The following RNF112 variants were observed in gnomAD, a reference collection of about 807,000 sequenced individuals.
RNF112 encodes the protein brain finger protein.
RNF112 carries 34 observed loss-of-function variants against 64.7 expected under a neutral mutation model. That is an observed-to-expected ratio of 0.53 (90% CI 0.40 to 0.70). RNF112 has a LOEUF of 0.70. Among genes scored for constraint, RNF112 ranks in the 30% least tolerant of loss-of-function variants. The probability of loss-of-function intolerance (pLI) is 0.00; values close to 1 mark genes in which losing one functional copy is unlikely to be tolerated. For synonymous variants in RNF112, 345 were observed against 344.5 expected, an observed-to-expected ratio of 1.00 and a Z score of -0.02; for missense variants, 734 against 850.0, an observed-to-expected ratio of 0.86 and a Z score of 1.70.
In RNF112 at chr17:19,413,157, C is replaced by T. The variant is rs1030531057; in HGVS notation, c.588+13C>T. The T allele has an allele frequency of 7.7e-6, 12 of 1,560,220 alleles. No homozygotes were observed. Among genetic ancestry groups the T allele is most frequent in the African/African-American group, 5.5e-5 (4 of 72,914 alleles). ...CTTGCCGGGCCTGGTGAGGGCGGGG[C>T]GGGGCAGGAGGGAGGCGGGGAGCAA... On this transcript the variant is annotated intron_variant, in intron 4 of 13. Transcript: ENST00000461366. The surrounding 1 kb of genome is among the most constrained non-coding windows in gnomAD (Gnocchi z 5.9).
Position 19,415,433 on chromosome 17 carries a change from T to C in RNF112, c.1351-85T>C. ...GAGGCCTCCGGGGTGGGGGTCTGTG[T>C]GCCCTGGGAGTGGAGATGAGGAAAC... On this transcript the variant is annotated intron_variant, in intron 12 of 13. Coordinates refer to ENST00000461366, the MANE Select transcript of RNF112 (RefSeq NM_007148.5). This position sits in a 1 kb window ranked among gnomAD's most constrained non-coding sequence, Gnocchi z 7.8. 1.9e-6 allele frequency: 3 copies of C among 1,547,402 alleles called. No homozygotes were observed. The highest frequency in any genetic ancestry group is 2.6e-6 in the Non-Finnish European group (3 of 1,144,776).
chr17:19,414,206 C>A (rs1169327578), intron 7 of RNF112, 61 bp downstream of exon 7: 18 of 1,484,066 alleles, frequency 1.2e-5, no homozygotes, highest in Non-Finnish European at 1.7e-5. Context: ...AGGGCTGGAC[C>A]CAAAGGAACT....
Position 19,412,546 on chromosome 17 carries a change from C to A in RNF112, c.144C>A (p.Pro48=). 5 of 1,613,532 alleles carry A rather than the reference C, an allele frequency of 3.1e-6. No homozygotes were observed. Among genetic ancestry groups the A allele is most frequent in the Non-Finnish European group, 4.2e-6 (5 of 1,179,782 alleles). ...TGGAGCTAGGCCTGGGGCCCCAGCC[C>A]ATGGCGCCCCGGGAGCTCCCTACCT... ...PKLELGLGPQ[P]MAPRELPTCS... The change falls in exon 3 of 14, where the codon CCC becomes CCA. Residue 48 remains proline (P), a synonymous_variant. Coordinates refer to ENST00000461366, the MANE Select transcript of RNF112 (RefSeq NM_007148.5). The surrounding 1 kb of genome is among the most constrained non-coding windows in gnomAD (Gnocchi z 5.1).
chr17:19,414,840 C>G lies in RNF112; in HGVS notation c.1079C>G (p.Pro360Arg). ...AAGCGAGCCCGTTGCTGCCTCTTGC[C>G]TGCCCCAGGGAGGCGGCGGATGAAC... Reference protein sequence around the residue: ...QGKRARCCLLPAPGRRRMNQG... With the variant: ...QGKRARCCLLRAPGRRRMNQG... The change falls in exon 10 of 14, where the codon CCT becomes CGT. Residue 360 changes from proline to arginine, a missense_variant. Pro to Arg is a moderately radical substitution (Grantham distance 103). Coordinates refer to ENST00000461366, the MANE Select transcript of RNF112 (RefSeq NM_007148.5). 6.2e-7 allele frequency: 1 copy of G among 1,613,822 alleles called. No homozygotes were observed. The highest frequency in any genetic ancestry group is 8.5e-7 in the Non-Finnish European group (1 of 1,179,864).
In RNF112 at chr17:19,411,329, G is replaced by T. The variant is rs961787886; in HGVS notation, c.-80G>T. On this transcript the variant is annotated 5_prime_UTR_variant, in exon 1 of 14. Coordinates refer to ENST00000461366, the MANE Select transcript of RNF112 (RefSeq NM_007148.5). The stretch of plus-strand genomic sequence containing the variant: ...CCGCAGCCTGCTAGCCTTTCCGGGA[G>T]AAAAGGCATCCTTACCTCTGGTTGA... 3.5e-6 allele frequency: 5 copies of T among 1,420,518 alleles called. No homozygotes were observed. The highest frequency in any genetic ancestry group is 3.8e-5 in the Admixed American group (2 of 52,642). 88.0% of individuals were successfully genotyped at this position (1,420,518 alleles called of 1,614,324 possible).
In RNF112 at chr17:19,412,918, C is replaced by G. The variant is rs1190489764; in HGVS notation, c.382-20C>G. 1.3e-6 allele frequency: 2 copies of G among 1,567,076 alleles called. No individual in the cohort carries two copies. The highest frequency in any genetic ancestry group is 2.7e-5 in the African/African-American group (2 of 73,502). ...AGCTGGTCCTGGATGCTCAGGGGCC[C>G]CTCTCTTCTCCTGGCCCAGGAGACG... is the stretch of plus-strand genomic sequence containing the variant. On this transcript the variant is annotated intron_variant, in intron 3 of 13. Coordinates refer to ENST00000461366, the MANE Select transcript of RNF112 (RefSeq NM_007148.5). The surrounding 1 kb of genome is among the most constrained non-coding windows in gnomAD (Gnocchi z 5.1).
chr17:19,412,285 G>A lies in RNF112; in HGVS notation c.96-213G>A, dbSNP rs1326998096. Among the ~76,000 whole-genome samples, 1 of 152,036 alleles carries A rather than the reference G, an allele frequency of 6.6e-6. No homozygotes were observed. Among genetic ancestry groups the A allele is most frequent in the Non-Finnish European group, 1.5e-5 (1 of 67,994 alleles). ...CATTGCTCTGCTGCCCCCACTCTGAGGCCCCCAGGTCCTAGGACACATGTC... is the reference window on the plus strand; with the variant it reads ...CATTGCTCTGCTGCCCCCACTCTGAAGCCCCCAGGTCCTAGGACACATGTC... On this transcript the variant is annotated intron_variant, in intron 2 of 13. Coordinates refer to ENST00000461366, the MANE Select transcript of RNF112 (RefSeq NM_007148.5). This position sits in a 1 kb window ranked among gnomAD's most constrained non-coding sequence, Gnocchi z 5.1.
At position 19,411,261 on chromosome 17, in the gene RNF112, C is replaced by A; in HGVS notation, c.-148C>A. On this transcript the variant is annotated 5_prime_UTR_variant, in exon 1 of 14. Transcript: ENST00000461366. ...TTCTTTTCCAGCTCTGACCGGGAGT[C>A]AGCTCCTCGGGGATACCATCCCCCG... is the stretch of plus-strand genomic sequence containing the variant. 1 of 671,936 alleles carries A rather than the reference C, an allele frequency of 1.5e-6. No individual in the cohort carries two copies. Among genetic ancestry groups the A allele is most frequent in the South Asian group, 1.9e-5 (1 of 53,678 alleles). 41.6% of individuals were successfully genotyped at this position (671,936 alleles called of 1,614,324 possible).
rs1475177381 is a variant in RNF112 at position 19,413,139 on chromosome 17, G to A, written c.583G>A (p.Gly195Ser). 3.7e-6 allele frequency: 6 copies of A among 1,612,424 alleles called. No homozygotes were observed. Among genetic ancestry groups the A allele is most frequent in the Non-Finnish European group, 5.1e-6 (6 of 1,179,550 alleles). ...LLNHLLQGLP[G>S]LESGEGGRPR... ...CAACCATTTGCTTCAGGGCTTGCCG[G>A]GCCTGGTGAGGGCGGGGCGGGGCAG... is the stretch of plus-strand genomic sequence containing the variant. The change falls in exon 4 of 14, where the codon GGC becomes AGC. Residue 195 changes from glycine to serine, a missense_variant. Transcript: ENST00000461366. This position sits in a 1 kb window ranked among gnomAD's most constrained non-coding sequence, Gnocchi z 5.9.
At position 19,413,461 on chromosome 17, in the gene RNF112, G is replaced by A. The variant is rs913841385; in HGVS notation, c.720+50G>A. The A allele has an allele frequency of 6.3e-7, 1 of 1,584,018 alleles. No homozygotes were observed. The highest frequency in any genetic ancestry group is 1.7e-5 in the Admixed American group (1 of 59,158). ...GGTCAGGGATGGGAAGGGGAATCAA[G>A]AAGGGCGTCTCTGGGGTGAGGATAG... is the stretch of plus-strand genomic sequence containing the variant. On this transcript the variant is annotated intron_variant, in intron 5 of 13. Transcript: ENST00000461366. The surrounding 1 kb of genome is among the most constrained non-coding windows in gnomAD (Gnocchi z 5.9).
chr17:19,412,455 C>T lies in RNF112; in HGVS notation c.96-43C>T, dbSNP rs1598133799. 4 of 1,593,290 alleles carry T rather than the reference C, an allele frequency of 2.5e-6. No individual in the cohort carries two copies. Among genetic ancestry groups the T allele is most frequent in the East Asian group, 4.5e-5 (2 of 44,636 alleles). ...CAACCCTGGCCGGTACCCCCTGCCC[C>T]CAATAGACATCCTGCTTTTCAATGG... On this transcript the variant is annotated intron_variant, in intron 2 of 13. Coordinates refer to ENST00000461366, the MANE Select transcript of RNF112 (RefSeq NM_007148.5). The surrounding 1 kb of genome is among the most constrained non-coding windows in gnomAD (Gnocchi z 5.1).
chr17:19,413,786 A>G lies in RNF112; in HGVS notation c.825+105A>G, dbSNP rs1913767416. 1.1e-6 allele frequency: 1 copy of G among 890,626 alleles called. No homozygotes were observed. Among genetic ancestry groups the G allele is most frequent in the Admixed American group, 2.3e-5 (1 of 42,580 alleles). 55.2% of individuals were successfully genotyped at this position (890,626 alleles called of 1,614,324 possible). A position where few individuals can be genotyped will look rare whatever the true frequency, so the allele number is the denominator to read the frequency against. On this transcript the variant is annotated intron_variant, in intron 6 of 13. Coordinates refer to ENST00000461366, the MANE Select transcript of RNF112 (RefSeq NM_007148.5). This position sits in a 1 kb window ranked among gnomAD's most constrained non-coding sequence, Gnocchi z 5.9. ...ACAGGCTTTGGTGTCTGGGGTCCTG[A>G]TAGGTTCTGGGGCTGCCTTAGAAGG...
In RNF112 at chr17:19,415,772, C is replaced by G. The variant is rs923159679; in HGVS notation, c.1493C>G (p.Ser498Cys). 2 of 1,613,636 alleles carry G rather than the reference C, an allele frequency of 1.2e-6. No individual in the cohort carries two copies. Among genetic ancestry groups the G allele is most frequent in the Admixed American group, 3.3e-5 (2 of 60,022 alleles). Residue 498 changes from serine (S) to cysteine (C), a missense_variant, in exon 14 of 14, where the codon TCC becomes TGC. Coordinates refer to ENST00000461366, the MANE Select transcript of RNF112 (RefSeq NM_007148.5). This position sits in a 1 kb window ranked among gnomAD's most constrained non-coding sequence, Gnocchi z 7.8. ...VLPDTMRNLL[S>C]TQKDAILARH... Reference sequence around the variant, plus strand: ...CCAGACACCATGCGGAACCTCCTCTCCACCCAGAAAGATGCCATTCTGGCC... The same window carrying G: ...CCAGACACCATGCGGAACCTCCTCTGCACCCAGAAAGATGCCATTCTGGCC...
Position 19,416,084 on chromosome 17 carries a change from C to A in RNF112, c.1805C>A (p.Ala602Asp). ...GCTGTGGTTGGGGGTGGCGTGGGTG[C>A]TGGGTTGGCTGCCACAGTGGGCTGC... ...GAAVVGGGVG[A>D]GLAATVGCME... is the part of the protein sequence containing the mutation. Residue 602 changes from alanine (A) to aspartate (D), a missense_variant, in exon 14 of 14, where the codon GCT becomes GAT. By Grantham distance (126) the Ala-to-Asp change is moderately radical. Coordinates refer to ENST00000461366, the MANE Select transcript of RNF112 (RefSeq NM_007148.5). The A allele has an allele frequency of 6.3e-7, 1 of 1,579,118 alleles. No individual in the cohort carries two copies. Among genetic ancestry groups the A allele is most frequent in the South Asian group, 1.2e-5 (1 of 86,420 alleles).
In RNF112 at chr17:19,414,604, C is replaced by G; in HGVS notation, c.952C>G (p.Arg318Gly). The G allele has an allele frequency of 6.2e-7, 1 of 1,613,790 alleles. No individual in the cohort carries two copies. Among genetic ancestry groups the G allele is most frequent in the Non-Finnish European group, 8.5e-7 (1 of 1,179,860 alleles). The change falls in exon 9 of 14, where the codon CGT becomes GGT. Residue 318 changes from arginine (R) to glycine (G), a missense_variant. Coordinates refer to ENST00000461366, the MANE Select transcript of RNF112 (RefSeq NM_007148.5). ...VPIQHLDLLVRDSSHPNKAGQ... is the reference protein window; with the variant it reads ...VPIQHLDLLVGDSSHPNKAGQ... Reference sequence around the variant, plus strand: ...CTTTCAGCATCTGGACCTCTTAGTTCGTGACTCATCCCACCCCAACAAGGC... The same window carrying G: ...CTTTCAGCATCTGGACCTCTTAGTTGGTGACTCATCCCACCCCAACAAGGC...
At position 19,411,400 on chromosome 17, in the gene RNF112, C is replaced by T. The variant is rs1436113153; in HGVS notation, c.-9C>T. The stretch of plus-strand genomic sequence containing the variant: ...CTGCATCCGGACCCTCTCCCCATCC[C>T]AGCCTCCCATGCCAAGGCCCGCCTT... On this transcript the variant is annotated 5_prime_UTR_variant, in exon 1 of 14. Transcript: ENST00000461366. 6.2e-7 allele frequency: 1 copy of T among 1,611,086 alleles called. No homozygotes were observed. The highest frequency in any genetic ancestry group is 2.2e-5 in the East Asian group (1 of 44,832).
Position 19,415,717 on chromosome 17 carries a change from A to C in RNF112, c.1438A>C (p.Lys480Gln). The change falls in exon 14 of 14, where the codon AAG becomes CAG. Residue 480 changes from lysine (K) to glutamine (Q), a missense_variant. Lys to Gln is a moderately conservative substitution (Grantham distance 53). Coordinates refer to ENST00000461366, the MANE Select transcript of RNF112 (RefSeq NM_007148.5). This position sits in a 1 kb window ranked among gnomAD's most constrained non-coding sequence, Gnocchi z 7.8. Reference sequence around the variant, plus strand: ...CTCCCTGTCACAGGACGTAGCCACCAAGCGCATATTCTCTGCGCTGCGGGT... The same window carrying C: ...CTCCCTGTCACAGGACGTAGCCACCCAGCGCATATTCTCTGCGCTGCGGGT... ...EYVRQQDVATKRIFSALRVLP... is the reference protein window; with the variant it reads ...EYVRQQDVATQRIFSALRVLP... 1 of 1,609,044 alleles carries C rather than the reference A, an allele frequency of 6.2e-7. No homozygotes were observed.
rs753031022 is a variant in RNF112, at chr17:19,415,692, C to T, written c.1426-13C>T. The T allele has an allele frequency of 6.2e-7, 1 of 1,602,028 alleles. No individual in the cohort carries two copies. The highest frequency in any genetic ancestry group is 8.5e-7 in the Non-Finnish European group (1 of 1,173,130). On this transcript the variant is annotated splice_polypyrimidine_tract_variant and intron_variant, in intron 13 of 13. Coordinates refer to ENST00000461366, the MANE Select transcript of RNF112 (RefSeq NM_007148.5). This position sits in a 1 kb window ranked among gnomAD's most constrained non-coding sequence, Gnocchi z 7.8. Reference sequence around the variant, plus strand: ...CCTGGTCAGGGCACCTTCTTTTCCCCTCCCTGTCACAGGACGTAGCCACCA... The same window carrying T: ...CCTGGTCAGGGCACCTTCTTTTCCCTTCCCTGTCACAGGACGTAGCCACCA...
Position 19,411,603 on chromosome 17 carries a change from T to C in RNF112, c.55-27T>C, listed in dbSNP as rs556225802. ...ATAGAAGTCTGGATTATGTTCTAAA[T>C]CTTTTTTTTTTTTTTTTTTCTCCAA... On this transcript the variant is annotated intron_variant, in intron 1 of 13. Coordinates refer to ENST00000461366, the MANE Select transcript of RNF112 (RefSeq NM_007148.5). 9.8e-5 allele frequency: 140 copies of C among 1,429,870 alleles called. 1 individual carries two copies. In the South Asian group the frequency reaches 1.6e-3, roughly 16 times the overall value. 88.6% of individuals were successfully genotyped at this position (1,429,870 alleles called of 1,614,324 possible).
Sources: allele counts gnomAD v4.1 joint callset (sites outside exome capture counted in the v4.1 genomes callset), GRCh38; gene constraint gnomAD v4.1.1; non-coding constraint Gnocchi (gnomAD v3.1); transcripts MANE v1.5; gene names NCBI Gene and HGNC (gene_info 2026-07-23, HGNC 2026-07-21).